Variants in MYMX observed in about 807,000 individuals in gnomAD.
MYMX encodes protein myomixer.
chr6:44,213,649 A>C (rs931560314), upstream of MYMX, among the ~76,000 whole-genome samples: 1 of 152,040 alleles, frequency 6.6e-6, no homozygotes, highest in Non-Finnish European at 1.5e-5. Context: ...CGAACTTCTG[A>C]CCTCAGGTGA....
At chr6:44,203,195 G>A in the MYMX span, among the ~76,000 whole-genome samples, 1 of 152,268 alleles carries the variant, frequency 6.6e-6, no homozygotes, top group South Asian at 2.1e-4. Flanking sequence ...TGCAGCCCAG[G>A]GGTTCTCACA....
the MYMX span, among the ~76,000 whole-genome samples, chr6:44,209,522 G>T: frequency 6.6e-6 from 1 of 152,218 alleles, no homozygotes. Context: ...GGCTAGCTTT[G>T]TCTAATGTTT....
chr6:44,202,226 G>T, the MYMX span, among the ~76,000 whole-genome samples: 1 of 152,160 alleles, frequency 6.6e-6, no homozygotes, highest in Non-Finnish European at 1.5e-5. Flanking sequence ...TTGACCCAGA[G>T]CCTTGCACGG....
At chr6:44,199,275 T>C in the MYMX span, among the ~76,000 whole-genome samples, 1 of 151,710 alleles carries the variant, frequency 6.6e-6, no homozygotes, top group African/African-American at 2.4e-5. Context: ...TGGTTCACTG[T>C]AGTCTAGACT....
chr6:44,211,904 C>G, the MYMX span, among the ~76,000 whole-genome samples: 1 of 151,654 alleles, frequency 6.6e-6, no homozygotes, highest in African/African-American at 2.4e-5. Flanking sequence ...CTCCTCCCCC[C>G]AAAGTACTGG....
the MYMX span, among the ~76,000 whole-genome samples, chr6:44,204,206 T>C: frequency 0.015 from 2,333 of 152,222 alleles, 65 homozygotes; most frequent in African/African-American, 0.053. Flanking sequence ...GTAAAATATA[T>C]AGCATGTCTG....
chr6:44,207,602 G>A, the MYMX span, among the ~76,000 whole-genome samples: 3,429 of 151,750 alleles, frequency 0.023, 137 homozygotes, highest in African/African-American at 0.077. Flanking sequence ...GCATGGTCTC[G>A]GTTAACTGTA....
chr6:44,212,800 G>T (rs1775660723), upstream of MYMX, among the ~76,000 whole-genome samples: 1 of 146,996 alleles, frequency 6.8e-6, no homozygotes, highest in Non-Finnish European at 1.5e-5. Flanking sequence ...GAGGCAGGAG[G>T]ATCACCTGAG....
chr6:44,205,988 A>AAAC, the MYMX span, among the ~76,000 whole-genome samples: 1 of 143,350 alleles, frequency 7.0e-6, no homozygotes, highest in Non-Finnish European at 1.5e-5. Flanking sequence ...TCAAAAAAAA[A>AAAC]AAAACAAAAC....
chr6:44,196,400 T>C, the MYMX span, among the ~76,000 whole-genome samples: 2 of 152,260 alleles, frequency 1.3e-5, no homozygotes, highest in Middle Eastern at 3.4e-3. Flanking sequence ...TTCTTTAGGC[T>C]GGGAGCAGTG....
chr6:44,205,533 G>T, the MYMX span, among the ~76,000 whole-genome samples: 1 of 151,890 alleles, frequency 6.6e-6, no homozygotes, highest in Non-Finnish European at 1.5e-5. Context: ...ATTAGCGGCT[G>T]GGGGCGGTGG....
chr6:44,204,799 G>T, the MYMX span, among the ~76,000 whole-genome samples: 2 of 152,068 alleles, frequency 1.3e-5, no homozygotes, highest in Non-Finnish European at 2.9e-5. Flanking sequence ...GTTTCTTGGG[G>T]TCTTATATTT....
chr6:44,199,719 T>C, the MYMX span, among the ~76,000 whole-genome samples: 2 of 149,456 alleles, frequency 1.3e-5, no homozygotes, highest in Non-Finnish European at 3.0e-5. Flanking sequence ...AGTCTCTCTC[T>C]GCCACCCAGG....
the MYMX span, among the ~76,000 whole-genome samples, chr6:44,207,434 T>A: frequency 6.6e-6 from 1 of 150,644 alleles, no homozygotes; most frequent in Non-Finnish European, 1.5e-5. Flanking sequence ...CCACCGTGCC[T>A]GGTGGTCTTT....
upstream of MYMX, among the ~76,000 whole-genome samples, chr6:44,215,415 TA>T (rs977013642): frequency 6.6e-6 from 1 of 150,508 alleles, no homozygotes; most frequent in African/African-American, 2.5e-5. Context: ...CTCTACAAAA[TA>T]AATTTTAAAA....
the MYMX span, among the ~76,000 whole-genome samples, chr6:44,196,361 C>A: frequency 6.6e-6 from 1 of 152,138 alleles, no homozygotes; most frequent in Non-Finnish European, 1.5e-5. Flanking sequence ...TGCCAAATTG[C>A]CCTCTGAAAT....
chr6:44,195,774 T>C, the MYMX span, among the ~76,000 whole-genome samples: 1 of 152,270 alleles, frequency 6.6e-6, no homozygotes, highest in Non-Finnish European at 1.5e-5. Flanking sequence ...TATCATGTTT[T>C]TGATACTTAT....
chr6:44,213,771 A>G (rs1441311354), upstream of MYMX, among the ~76,000 whole-genome samples: 1 of 152,070 alleles, frequency 6.6e-6, no homozygotes, highest in Non-Finnish European at 1.5e-5. Flanking sequence ...AGAGTTTTAA[A>G]GATTTTGACA....
the MYMX span, among the ~76,000 whole-genome samples, chr6:44,197,617 T>C: frequency 6.6e-6 from 1 of 152,222 alleles, no homozygotes; most frequent in African/African-American, 2.4e-5. Flanking sequence ...GTGGTAACTC[T>C]TTCTGGGTAT....
Sources: allele counts gnomAD v4.1 joint callset (sites outside exome capture counted in the v4.1 genomes callset), GRCh38; gene constraint gnomAD v4.1.1; transcripts MANE v1.5; gene names NCBI Gene and HGNC (gene_info 2026-07-23, HGNC 2026-07-21).